The following CEMIP variants were observed in gnomAD, a reference collection of about 807,000 sequenced individuals.
CEMIP encodes cell migration inducing hyaluronidase 1, also known as cell migration-inducing and hyaluronan-binding protein.
CEMIP carries 105 observed loss-of-function variants against 156.9 expected under a neutral mutation model. The ratio of observed to expected loss-of-function variants is 0.67; its 90% confidence interval spans 0.57 to 0.79. CEMIP has a LOEUF of 0.79. Among genes scored for constraint, CEMIP ranks in the 30% least tolerant of loss-of-function variants. The pLI is 0.00. For missense variants in CEMIP, 1,457 were observed against 1,769.4 expected, an observed-to-expected ratio of 0.82 and a Z score of 3.17; for synonymous variants, 676 against 668.4, an observed-to-expected ratio of 1.01 and a Z score of -0.17.
intron 1 of CEMIP, among the ~76,000 whole-genome samples, chr15:80,871,505 C>G (rs1898290098): frequency 6.6e-6 from 1 of 152,122 alleles, no homozygotes; most frequent in African/African-American, 2.4e-5. Context: ...CCACTCGGTA[C>G]CTGGGAAGTC....
At chr15:80,787,925 G>T (rs1895981006) in intron 1 of CEMIP, among the ~76,000 whole-genome samples, 1 of 152,158 alleles carries the variant, frequency 6.6e-6, no homozygotes, top group South Asian at 2.1e-4. Context: ...GTGTCTGTCT[G>T]GCTCTTAGTC....
intron 1 of CEMIP, among the ~76,000 whole-genome samples, chr15:80,871,505 C>T (rs1898290098): frequency 6.6e-6 from 1 of 152,122 alleles, no homozygotes; most frequent in Admixed American, 6.5e-5. Flanking sequence ...CCACTCGGTA[C>T]CTGGGAAGTC....
chr15:80,877,564 T>A (rs1379689654), intron 3 of CEMIP, among the ~76,000 whole-genome samples: 1 of 152,246 alleles, frequency 6.6e-6, no homozygotes, highest in Non-Finnish European at 1.5e-5. Context: ...TCATCTTGTT[T>A]TGTCCATTGT....
chr15:80,831,787 A>C (rs546131068), intron 1 of CEMIP, among the ~76,000 whole-genome samples: 1 of 152,324 alleles, frequency 6.6e-6, no homozygotes, highest in African/African-American at 2.4e-5. Context: ...CAAGCTGACC[A>C]CAAGTCACAG....
chr15:80,938,006 G>A (rs965746807), intron 25 of CEMIP, 27 bp downstream of exon 25: 2 of 1,597,044 alleles, frequency 1.3e-6, no homozygotes, highest in Non-Finnish European at 1.7e-6. Context: ...TTGGCTGCAG[G>A]AAAGTGGCTC....
At chr15:80,843,410 T>C (rs749691762) in intron 1 of CEMIP, among the ~76,000 whole-genome samples, 1 of 152,206 alleles carries the variant, frequency 6.6e-6, no homozygotes, top group Non-Finnish European at 1.5e-5. Context: ...TTCACGCAGC[T>C]CCTGTTCTAC....
At chr15:80,924,586 A>C in intron 17 of CEMIP, 35 bp from the exon 18 acceptor site, 3 of 1,583,862 alleles carry the variant, frequency 1.9e-6, no homozygotes, top group South Asian at 2.2e-5. Context: ...CCCACAGTAG[A>C]AACTAATGTG....
At chr15:80,834,913 C>A (rs775833071) in intron 1 of CEMIP, among the ~76,000 whole-genome samples, 1 of 151,964 alleles carries the variant, frequency 6.6e-6, no homozygotes, top group Non-Finnish European at 1.5e-5. Flanking sequence ...ATTATTTAGG[C>A]CTTTGAAAAT....
chr15:80,781,726 G>C (rs973134007), intron 1 of CEMIP, among the ~76,000 whole-genome samples: 3 of 152,198 alleles, frequency 2.0e-5, no homozygotes, highest in African/African-American at 7.2e-5. Flanking sequence ...GTGCCTGTTT[G>C]CTGATATGTA....
In CEMIP at chr15:80,889,951, T is replaced by C. The variant is rs532554249; in HGVS notation, c.1086+359T>C. Among the ~76,000 whole-genome samples, 10 of 152,348 alleles carry C rather than the reference T, an allele frequency of 6.6e-5. No homozygotes were observed. The East Asian group carries it at 1.9e-3, about 29-fold the overall frequency. Reference sequence around the variant, plus strand: ...CACAGGATGCAGCTAGGATTTGGGGTGCAGGCCAGGCCAGCCCAGATGGAG... The same window carrying C: ...CACAGGATGCAGCTAGGATTTGGGGCGCAGGCCAGGCCAGCCCAGATGGAG... On this transcript the variant is annotated intron_variant, in intron 10 of 29. Transcript: ENST00000394685.
intron 7 of CEMIP, among the ~76,000 whole-genome samples, chr15:80,886,449 C>G (rs1205482657): frequency 6.6e-6 from 1 of 152,000 alleles, no homozygotes; most frequent in South Asian, 2.1e-4. Flanking sequence ...AAACACCGTT[C>G]AATAGTGATT....
At chr15:80,782,036 C>G (rs1185465692) in intron 1 of CEMIP, among the ~76,000 whole-genome samples, 1 of 151,938 alleles carries the variant, frequency 6.6e-6, no homozygotes, top group Non-Finnish European at 1.5e-5. Context: ...AAAAAAAATT[C>G]TTATTTAAAG....
At chr15:80,901,293 C>T (rs1899527066) in intron 12 of CEMIP, among the ~76,000 whole-genome samples, 1 of 152,130 alleles carries the variant, frequency 6.6e-6, no homozygotes, top group Non-Finnish European at 1.5e-5. Context: ...CTTCATGACA[C>T]AAATGAGGAA....
chr15:80,847,717 C>G (rs972238369), intron 1 of CEMIP, among the ~76,000 whole-genome samples: 1 of 152,224 alleles, frequency 6.6e-6, no homozygotes, highest in Non-Finnish European at 1.5e-5. Context: ...GCTCAGAAGG[C>G]TGATGCTGGG....
intron 1 of CEMIP, among the ~76,000 whole-genome samples, chr15:80,850,238 G>T (rs1897680424): frequency 6.6e-6 from 1 of 152,054 alleles, no homozygotes; most frequent in South Asian, 2.1e-4. Context: ...AGGGGTTTTG[G>T]GCATGTGTAG....
chr15:80,901,571 AGG>A (rs1899553421), intron 12 of CEMIP, among the ~76,000 whole-genome samples: 2 of 151,964 alleles, frequency 1.3e-5, no homozygotes, highest in African/African-American at 4.8e-5. Context: ...GTGTGGTGGC[AGG>A]CACCTGTAAT....
At position 80,939,108 on chromosome 15, in the gene CEMIP, G is replaced by C. The variant is rs1288188585; in HGVS notation, c.3407+1129G>C. On this transcript the variant is annotated intron_variant, in intron 25 of 29. Transcript: ENST00000394685. ...GGGCAGACAAGCTGGCAGGGGAAGA[G>C]GAAGTGATCCACCTTACTGATGATA... is the stretch of plus-strand genomic sequence containing the variant. 2.6e-5 allele frequency among the ~76,000 whole-genome samples: 4 copies of C among 152,230 alleles called. No homozygotes were observed. The East Asian group carries it at 7.7e-4, about 29-fold the overall frequency.
At chr15:80,931,754 C>T in intron 21 of CEMIP, 105 bp from the exon 22 acceptor site, 1 of 1,125,130 alleles carries the variant, frequency 8.9e-7, no homozygotes, top group Non-Finnish European at 1.3e-6. Flanking sequence ...TGCTACCATC[C>T]ACCTCAGAAG....
intron 1 of CEMIP, among the ~76,000 whole-genome samples, chr15:80,824,119 G>T (rs187073238): frequency 6.6e-6 from 1 of 152,350 alleles, no homozygotes; most frequent in Admixed American, 6.5e-5. Flanking sequence ...TTGCTTATCA[G>T]CGCAAGTGAG....
Sources: allele counts gnomAD v4.1 joint callset (sites outside exome capture counted in the v4.1 genomes callset), GRCh38; gene constraint gnomAD v4.1.1; transcripts MANE v1.5; gene names NCBI Gene and HGNC (gene_info 2026-07-23, HGNC 2026-07-21).